CFAP44: variants seen among roughly 807,000 people sequenced by gnomAD.
The protein encoded by CFAP44 is cilia and flagella associated protein 44.
CFAP44 carries 134 observed loss-of-function variants against 216.2 expected under a neutral mutation model. The ratio of observed to expected loss-of-function variants is 0.62; its 90% CI spans 0.54 to 0.72. The LOEUF is 0.72. Ranked by LOEUF, CFAP44 falls within the 30% of genes least tolerant of loss-of-function variation. The pLI, the probability that CFAP44 is intolerant of heterozygous loss-of-function variation, is 0.00. For synonymous variants in CFAP44, 700 were observed against 727.6 expected (o/e 0.96, Z 0.61); for missense variants, 2,035 against 2,182.1 (o/e 0.93, Z 1.34).
chr3:113,347,796 C>T (rs1950400719), intron 22 of CFAP44, among the ~76,000 whole-genome samples: 1 of 152,126 alleles, frequency 6.6e-6, no homozygotes, highest in African/African-American at 2.4e-5. Context: ...AGGGTATGGT[C>T]CTCTACTTCA....
At chr3:113,419,979 G>A (rs576594425) in intron 5 of CFAP44, 38 bp downstream of exon 5, 2 of 1,600,886 alleles carry the variant, frequency 1.2e-6, no homozygotes, top group South Asian at 2.3e-5. Context: ...AAAAGATAGG[G>A]TTTTTTGGGG....
At chr3:113,418,833 T>C (rs1576602095) in intron 5 of CFAP44, among the ~76,000 whole-genome samples, 1 of 152,116 alleles carries the variant, frequency 6.6e-6, no homozygotes, top group East Asian at 1.9e-4. Flanking sequence ...GGCTCCTGAG[T>C]AGCCGGGATT....
chr3:113,322,230 A>T (rs77955580), intron 28 of CFAP44, among the ~76,000 whole-genome samples: 1 of 152,232 alleles, frequency 6.6e-6, no homozygotes, highest in Non-Finnish European at 1.5e-5. Context: ...ACCTACAACC[A>T]TCTTATCTTC....
intron 22 of CFAP44, among the ~76,000 whole-genome samples, chr3:113,349,443 C>T (rs891514809): frequency 4.0e-4 from 61 of 152,070 alleles, no homozygotes; most frequent in Admixed American, 3.9e-3. Context: ...AGAGAAAGGC[C>T]GCAGGCTTAG....
rs1949887212 is a variant in CFAP44 at position 113,296,889 on chromosome 3, AAAG to A, written c.5078-7_5078-5del. On this transcript the variant is annotated splice_polypyrimidine_tract_variant and splice_region_variant and intron_variant, in intron 32 of 34. Coordinates refer to ENST00000393845, the MANE Select transcript of CFAP44 (RefSeq NM_001164496.2). ...TGCCGGACTGTTTCCTCCATTTCTAAAAGAAGACAGTCACTGGCTCAGGTTGTT... is the reference window on the plus strand; with the variant it reads ...TGCCGGACTGTTTCCTCCATTTCTAAAAGACAGTCACTGGCTCAGGTTGTT... 1 of 1,537,118 alleles carries A rather than the reference AAAG, an allele frequency of 6.5e-7. No homozygotes were observed. Among genetic ancestry groups the A allele is most frequent in the African/African-American group, 1.4e-5 (1 of 73,042 alleles).
At chr3:113,369,963 T>C (rs193107173) in intron 18 of CFAP44, among the ~76,000 whole-genome samples, 12 of 152,276 alleles carry the variant, frequency 7.9e-5, no homozygotes, top group African/African-American at 2.9e-4. Context: ...TCTATGCAAA[T>C]AAACTAGAAA....
At chr3:113,412,076 T>C (rs961387669) in intron 6 of CFAP44, among the ~76,000 whole-genome samples, 8 of 152,188 alleles carry the variant, frequency 5.3e-5, no homozygotes, top group Non-Finnish European at 1.2e-4. Context: ...GGGCAAAAAC[T>C]GGAAGCATTC....
chr3:113,369,486 A>C (rs992357402), intron 18 of CFAP44, among the ~76,000 whole-genome samples: 1 of 152,188 alleles, frequency 6.6e-6, no homozygotes, highest in Non-Finnish European at 1.5e-5. Flanking sequence ...CTACTGGGTA[A>C]ATAACAAAAT....
rs1012421441 is a variant in CFAP44, at chr3:113,389,242, A to G, written c.1890+6508T>C. 2.6e-5 allele frequency among the ~76,000 whole-genome samples: 4 copies of G among 152,210 alleles called. No individual in the cohort carries two copies. The East Asian group carries it at 7.7e-4, about 29-fold the overall frequency. On this transcript the variant is annotated intron_variant, in intron 15 of 34. Coordinates refer to ENST00000393845, the MANE Select transcript of CFAP44 (RefSeq NM_001164496.2). ...GGAATTTTGGAAACTACATGAACTC[A>G]CAGGAATTAAACAATATGTTCCTGA...
chr3:113,432,833 A>G (rs778807014), intron 2 of CFAP44, among the ~76,000 whole-genome samples: 1 of 152,204 alleles, frequency 6.6e-6, no homozygotes, highest in Non-Finnish European at 1.5e-5. Flanking sequence ...GAATCTCCTG[A>G]TAAATATTCC....
At chr3:113,409,752 C>CT (rs1478953632) in intron 6 of CFAP44, among the ~76,000 whole-genome samples, 2 of 152,130 alleles carry the variant, frequency 1.3e-5, no homozygotes, top group East Asian at 3.8e-4. Context: ...AGATACAGGT[C>CT]AAAAGACCCA....
chr3:113,357,527 T>G (rs1053744397), intron 22 of CFAP44, among the ~76,000 whole-genome samples: 1 of 152,174 alleles, frequency 6.6e-6, no homozygotes, highest in African/African-American at 2.4e-5. Context: ...CACTAGAAGC[T>G]TGGAGACAGG....
chr3:113,374,915 C>T (rs1211169743), intron 17 of CFAP44, among the ~76,000 whole-genome samples: 5 of 152,118 alleles, frequency 3.3e-5, no homozygotes, highest in Non-Finnish European at 5.9e-5. Flanking sequence ...GGATTACAGG[C>T]GTGAGCCACC....
rs747140119 is a variant in CFAP44, at chr3:113,381,059, G to A, written c.1892C>T (p.Pro631Leu). The A allele has an allele frequency of 4.5e-6, 7 of 1,539,000 alleles. No individual in the cohort carries two copies. The East Asian group carries it at 9.4e-5, about 21-fold the overall frequency. Residue 631 changes from proline (P) to leucine (L), a missense_variant and splice_region_variant, in exon 16 of 35, where the codon CCT (proline) becomes CTT (leucine). Coordinates refer to ENST00000393845, the MANE Select transcript of CFAP44 (RefSeq NM_001164496.2). ...CQLMWSPMSH[P>L]ESTLLIICEN... ...ACAGATAATTAGTAAAGTACTTTCA[G>A]GCTAAAAAAGAAAAATTGAACATAT...
intron 31 of CFAP44, 56 bp from the exon 32 acceptor site, chr3:113,304,173 C>T (rs1949963737): frequency 6.7e-7 from 1 of 1,501,124 alleles, no homozygotes; most frequent in South Asian, 1.2e-5. Context: ...TTTTGTATGG[C>T]AACAGAAAGC....
intron 15 of CFAP44, among the ~76,000 whole-genome samples, chr3:113,394,928 GT>G (rs1259649432): frequency 6.6e-6 from 1 of 152,204 alleles, no homozygotes; most frequent in African/African-American, 2.4e-5. Flanking sequence ...TAAATGTATA[GT>G]TTTTTCTCCT....
intron 22 of CFAP44, among the ~76,000 whole-genome samples, chr3:113,350,259 A>G (rs1459696472): frequency 1.3e-5 from 2 of 151,510 alleles, no homozygotes; most frequent in South Asian, 2.1e-4. Flanking sequence ...AGAGAAGGAA[A>G]GAGAGGAAGA....
intron 33 of CFAP44, among the ~76,000 whole-genome samples, chr3:113,295,989 G>C (rs1290702282): frequency 6.6e-6 from 1 of 152,154 alleles, no homozygotes; most frequent in African/African-American, 2.4e-5. Flanking sequence ...TGGGTTTCTA[G>C]CAGACCCATC....
intron 33 of CFAP44, 58 bp from the exon 34 acceptor site, chr3:113,294,879 A>G (rs1949866194): frequency 6.8e-7 from 1 of 1,473,530 alleles, no homozygotes; most frequent in Admixed American, 2.5e-5. Flanking sequence ...AAGAAAGAAA[A>G]ATGAGTGTCC....
Sources: gnomAD v4.1 joint callset for allele counts (sites outside exome capture counted in the v4.1 genomes callset) on GRCh38, gnomAD v4.1.1 for gene constraint, MANE v1.5 for transcripts, NCBI Gene and HGNC (gene_info 2026-07-23, HGNC 2026-07-21) for gene names.